The following TNR variants were observed in gnomAD, a reference collection of about 807,000 sequenced individuals.
TNR encodes the protein tenascin-R.
Under a neutral mutation model 150.4 loss-of-function variants are expected in TNR, and 45 were observed. The observed-to-expected ratio is 0.30, with a 90% CI of 0.24 to 0.38. The LOEUF is 0.38. TNR is among the 10% of genes least tolerant of loss of function. TNR has a pLI of 1.00. For synonymous variants in TNR, 687 were observed against 678.4 expected, an observed-to-expected ratio of 1.01 and a Z score of -0.20; for missense variants, 1,544 against 1,759.1, an observed-to-expected ratio of 0.88 and a Z score of 2.19.
At chr1:175,509,950 T>C (rs1039638521) in intron 2 of TNR, among the ~76,000 whole-genome samples, 5 of 152,142 alleles carry the variant, frequency 3.3e-5, no homozygotes, top group African/African-American at 1.2e-4. Flanking sequence ...GGTCCAGGCA[T>C]AGTGGCTCAC....
At chr1:175,331,030 TTTCTTTCTTTC>T (rs1489959492) in intron 20 of TNR, among the ~76,000 whole-genome samples, 3 of 67,790 alleles carry the variant, frequency 4.4e-5, no homozygotes, top group African/African-American at 9.7e-5. Context: ...TCTTTCTTTC[TTTCTTTCTTTC>T]TTTCTTTCTT....
chr1:175,627,950 C>T (rs1242761896), intron 1 of TNR, among the ~76,000 whole-genome samples: 1 of 152,168 alleles, frequency 6.6e-6, no homozygotes, highest in Non-Finnish European at 1.5e-5. Flanking sequence ...TGCCCCAATC[C>T]ACGATAGTCA....
chr1:175,318,844 C>T lies in TNR; in HGVS notation c.*4513G>A, dbSNP rs372338233. 1.3e-5 allele frequency: 2 copies of T among 152,256 alleles called. No individual in the cohort carries two copies. The highest frequency in any genetic ancestry group is 4.8e-5 in the African/African-American group (2 of 41,452). The allele number at this position is 152,256 out of a possible 1,614,324, so 9.4% of individuals were successfully genotyped here. On this transcript the variant is annotated 3_prime_UTR_variant, in exon 23 of 23. Coordinates refer to ENST00000367674, the MANE Select transcript of TNR (RefSeq NM_003285.3). ...GGGAGGCAGACTCCCAGACTTCACA[C>T]ATCTGCCCCATTCCTCTGAGGTCCT...
rs377302816 is a variant in TNR, at chr1:175,638,255, G to T, written c.-165+104971C>A. The stretch of plus-strand genomic sequence containing the variant: ...CTTACAACTCTGCTCTTGTTCAACT[G>T]GTCAAGAGAACAAATTACAAAAAGT... On this transcript the variant is annotated intron_variant, in intron 1 of 22. Transcript: ENST00000367674. Among the ~76,000 whole-genome samples the T allele has an allele frequency of 3.5e-4, 54 of 152,254 alleles. 1 individual carries two copies. Among genetic ancestry groups the T allele is most frequent in the African/African-American group, 1.2e-3 (49 of 41,562 alleles).
intron 20 of TNR, 69 bp from the exon 21 acceptor site, chr1:175,330,304 G>GT (rs1240712813): frequency 6.9e-7 from 1 of 1,439,240 alleles, no homozygotes; most frequent in Non-Finnish European, 9.3e-7. Context: ...AGGGAAATGC[G>GT]TCTGTGGCTT....
chr1:175,359,952 C>T (rs895965955), intron 14 of TNR, among the ~76,000 whole-genome samples: 2 of 152,168 alleles, frequency 1.3e-5, no homozygotes, highest in Non-Finnish European at 2.9e-5. Context: ...CCCCCAGTCG[C>T]CCCCAGCTCT....
chr1:175,354,290 T>G, intron 18 of TNR, 101 bp downstream of exon 18: 1 of 1,481,312 alleles, frequency 6.8e-7, no homozygotes, highest in South Asian at 1.4e-5. Context: ...AACTGAGCTT[T>G]TTTGATAAAC....
At position 175,608,899 on chromosome 1, in the gene TNR, G is replaced by A. The variant is rs148682079; in HGVS notation, c.-164-80530C>T. Among the ~76,000 whole-genome samples the A allele has an allele frequency of 1.1e-4, 16 of 152,348 alleles. No homozygotes were observed. The East Asian group carries it at 3.1e-3, about 29-fold the overall frequency. On this transcript the variant is annotated intron_variant, in intron 1 of 22. Transcript: ENST00000367674. Reference sequence around the variant, plus strand: ...GTGGACTATAGAAACCCCCAGGCCTGCAGGCAGGAGTGCAGCCCTCAGTCA... The same window carrying A: ...GTGGACTATAGAAACCCCCAGGCCTACAGGCAGGAGTGCAGCCCTCAGTCA...
At chr1:175,566,610 C>T (rs1006526276) in intron 1 of TNR, among the ~76,000 whole-genome samples, 5 of 152,222 alleles carry the variant, frequency 3.3e-5, no homozygotes, top group Admixed American at 6.5e-5. Flanking sequence ...CTTCTGACTG[C>T]CTACCCTTGA....
chr1:175,714,645 C>T (rs1348079338), intron 1 of TNR, among the ~76,000 whole-genome samples: 1 of 152,172 alleles, frequency 6.6e-6, no homozygotes, highest in East Asian at 1.9e-4. Context: ...ATCTCTCTAC[C>T]CTCTCCACTT....
At chr1:175,577,319 G>A (rs896692745) in intron 1 of TNR, among the ~76,000 whole-genome samples, 7 of 152,252 alleles carry the variant, frequency 4.6e-5, no homozygotes, top group South Asian at 4.2e-4. Flanking sequence ...TGGGATCAGC[G>A]TTTTAGGAGT....
intron 1 of TNR, among the ~76,000 whole-genome samples, chr1:175,653,395 A>G (rs989287149): frequency 2.0e-5 from 3 of 152,240 alleles, no homozygotes; most frequent in African/African-American, 7.2e-5. Flanking sequence ...AGCAGAGTGA[A>G]GTATATTGCA....
At chr1:175,354,585 T>A (rs917046706) in intron 17 of TNR, 62 bp from the exon 18 acceptor site, 152 of 1,608,820 alleles carry the variant, frequency 9.4e-5, no homozygotes, top group Non-Finnish European at 1.3e-4. Flanking sequence ...TTTGGGAAAG[T>A]AGGGAAGGGA....
At chr1:175,431,911 A>ATATCTCTCTCTCTCTCTCTCCTTCTC (rs1655281994) in intron 2 of TNR, among the ~76,000 whole-genome samples, 5 of 136,374 alleles carry the variant, frequency 3.7e-5, no homozygotes, top group African/African-American at 6.1e-5. Context: ...GGACCATAAT[A>ATATCTCTCTCTCTCTCTCTCCTTCTC]TCTCTCTCTC....
At chr1:175,710,032 G>C (rs1666963475) in intron 1 of TNR, among the ~76,000 whole-genome samples, 1 of 152,034 alleles carries the variant, frequency 6.6e-6, no homozygotes, top group African/African-American at 2.4e-5. Context: ...CTATTGATGG[G>C]TTTTCATAGG....
chr1:175,611,012 C>T (rs184192409), intron 1 of TNR, among the ~76,000 whole-genome samples: 14 of 152,296 alleles, frequency 9.2e-5, no homozygotes, highest in African/African-American at 2.6e-4. Context: ...CTAACCTGTC[C>T]GGATGCTGTT....
At chr1:175,547,273 A>G (rs1175171856) in intron 1 of TNR, among the ~76,000 whole-genome samples, 1 of 152,186 alleles carries the variant, frequency 6.6e-6, no homozygotes, top group Non-Finnish European at 1.5e-5. Context: ...CACCTGGGTC[A>G]TGTTGAAGCC....
intron 9 of TNR, among the ~76,000 whole-genome samples, chr1:175,379,342 G>C (rs1161815553): frequency 1.3e-5 from 2 of 152,174 alleles, no homozygotes; most frequent in African/African-American, 4.8e-5. Flanking sequence ...CTGGGTGACA[G>C]AGAGATTCCG....
chr1:175,351,504 T>C (rs114726060), intron 18 of TNR, among the ~76,000 whole-genome samples: 1,563 of 152,318 alleles, frequency 0.01, 29 homozygotes, highest in African/African-American at 0.036. Context: ...GTATTAAAAA[T>C]CGCCTTAGGC....
Sources: allele counts gnomAD v4.1 joint callset (sites outside exome capture counted in the v4.1 genomes callset), GRCh38; gene constraint gnomAD v4.1.1; transcripts MANE v1.5; gene names NCBI Gene and HGNC (gene_info 2026-07-23, HGNC 2026-07-21).